The following XG variants were observed in gnomAD, a reference collection of about 807,000 sequenced individuals.
The protein encoded by XG is glycoprotein Xg.
In XG, 24 loss-of-function variants were observed where a neutral mutation model predicts 25.7. The ratio of observed to expected loss-of-function variants is 0.93; its 90% CI spans 0.68 to 1.31. The LOEUF is 1.31. Among genes scored for constraint, XG ranks in the 40% most tolerant of loss-of-function variants. The pLI is 0.00. For missense variants in XG, 181 were observed against 187.6 expected (o/e 0.96, Z 0.21); for synonymous variants, 77 against 69.2 (o/e 1.11, Z -0.56).
At chrX:2,814,274 T>C in intron 10 of XG, 90 bp from the exon 11 acceptor site, 1 of 1,060,882 alleles carries the variant, frequency 9.4e-7, no homozygotes, top group East Asian at 3.3e-5. Context: ...TGTAACAGCA[T>C]AGAATTGGAT....
chrX:2,803,209 T>C (rs1381486430), intron 7 of XG, among the ~76,000 whole-genome samples: 1 of 111,487 alleles, frequency 9.0e-6, no homozygotes, highest in African/African-American at 3.3e-5. Flanking sequence ...TGGAGTGCAG[T>C]GGTGCAATCA....
chrX:2,779,060 A>G (rs191055121), intron 3 of XG, among the ~76,000 whole-genome samples: 309 of 152,260 alleles, frequency 2.0e-3, no homozygotes, highest in African/African-American at 7.0e-3. Flanking sequence ...CACCACACCC[A>G]GCCTCATGTA....
At chrX:2,757,058 C>G (rs752503641) in intron 1 of XG, among the ~76,000 whole-genome samples, 7 of 152,236 alleles carry the variant, frequency 4.6e-5, no homozygotes, top group African/African-American at 1.7e-4. Flanking sequence ...ATGGAGATGA[C>G]TCTTAGCGGG....
intron 7 of XG, among the ~76,000 whole-genome samples, chrX:2,802,653 G>A (rs555057805): frequency 1.8e-5 from 2 of 109,030 alleles, no homozygotes; most frequent in African/African-American, 6.7e-5. Flanking sequence ...TCGCTGAGCC[G>A]CATTACCAGT....
At chrX:2,782,318 T>C (rs1394517389) in intron 4 of XG, among the ~76,000 whole-genome samples, 190 bp downstream of exon 4, 1 of 112,542 alleles carries the variant, frequency 8.9e-6, no homozygotes, top group Non-Finnish European at 1.9e-5. Context: ...TATTTTCCCT[T>C]TGCTTTGACA....
At position 2,754,836 on chromosome X, in the gene XG, C is replaced by T. The variant is rs985916136; in HGVS notation, c.61+2501C>T. ...CACCCAAATTGAGGGTGGGTCCGCC[C>T]CTTCCAGTCCACTGACTCAAATGTT... On this transcript the variant is annotated intron_variant, in intron 1 of 10. Transcript: ENST00000644266. 7.2e-5 allele frequency among the ~76,000 whole-genome samples: 11 copies of T among 152,320 alleles called. 1 individual carries two copies. Among genetic ancestry groups the T allele is most frequent in the Admixed American group, 2.6e-4 (4 of 15,302 alleles).
intron 1 of XG, among the ~76,000 whole-genome samples, chrX:2,757,124 T>G (rs2050453100): frequency 6.6e-6 from 1 of 152,122 alleles, no homozygotes; most frequent in African/African-American, 2.4e-5. Flanking sequence ...CCCTGGAGTT[T>G]GGTTGTCCTG....
intron 5 of XG, among the ~76,000 whole-genome samples, chrX:2,793,716 G>A (rs764080629): frequency 5.4e-5 from 6 of 111,624 alleles, no homozygotes; most frequent in Admixed American, 4.8e-4. Flanking sequence ...AGAGACAGGG[G>A]GATGGTGCTG....
intron 5 of XG, among the ~76,000 whole-genome samples, chrX:2,791,855 T>TATA (rs2086840530): frequency 9.1e-6 from 1 of 110,244 alleles, no homozygotes; most frequent in Non-Finnish European, 1.9e-5. Flanking sequence ...CATCAGGGTG[T>TATA]ATAGCTTCAA....
At position 2,808,338 on chromosome X, in the gene XG, A is replaced by G. The variant is rs1483334346; in HGVS notation, c.454+118A>G. The G allele has an allele frequency of 8.5e-6, 8 of 939,791 alleles. No homozygotes were observed. The African/African-American group carries it at 1.2e-4, about 14-fold the overall frequency. 77.4% of individuals were successfully genotyped at this position (939,791 alleles called of 1,213,427 possible). The stretch of plus-strand genomic sequence containing the variant: ...ACCTCATGACTTTCACGGAGCACTC[A>G]TACTTTGTATGTATATAAAGTAGCT... On this transcript the variant is annotated intron_variant, in intron 9 of 10. Coordinates refer to ENST00000644266, the MANE Select transcript of XG (RefSeq NM_001141919.2).
chrX:2,810,986 CAACA>C (rs2087049953), intron 9 of XG, among the ~76,000 whole-genome samples: 3 of 111,245 alleles, frequency 2.7e-5, no homozygotes, highest in South Asian at 7.6e-4. Context: ...GAATTGACTT[CAACA>C]AACAAACAAA....
intron 2 of XG, among the ~76,000 whole-genome samples, chrX:2,773,061 G>A (rs1013157255): frequency 8.1e-6 from 1 of 123,158 alleles, no homozygotes; most frequent in African/African-American, 3.0e-5. Flanking sequence ...ACAGAGAAAG[G>A]AAGGATGGGA....
intron 7 of XG, among the ~76,000 whole-genome samples, chrX:2,801,799 C>A (rs1683999): frequency 9.1e-6 from 1 of 109,694 alleles, no homozygotes; most frequent in African/African-American, 3.3e-5. Flanking sequence ...AGCTCCGCCT[C>A]CCGGGTTCAC....
chrX:2,767,309 G>A (rs1174206256), intron 1 of XG, among the ~76,000 whole-genome samples: 7 of 151,978 alleles, frequency 4.6e-5, no homozygotes, highest in Admixed American at 2.6e-4. Flanking sequence ...CAGCTTTACC[G>A]GGGGCTCATG....
chrX:2,768,401 G>A (rs1335117074), intron 1 of XG, among the ~76,000 whole-genome samples: 3 of 152,178 alleles, frequency 2.0e-5, no homozygotes, highest in Admixed American at 2.0e-4. Flanking sequence ...GGGAGATGTT[G>A]CACAGATCCA....
At chrX:2,767,482 C>T (rs2050725816) in intron 1 of XG, among the ~76,000 whole-genome samples, 1 of 152,300 alleles carries the variant, frequency 6.6e-6, no homozygotes, top group East Asian at 1.9e-4. Context: ...AAAAGCCGCT[C>T]AGTTCACTAA....
rs183790639 is a variant in XG at position 2,769,578 on chromosome X, G to A, written c.62-972G>A. Among the ~76,000 whole-genome samples, 59 of 152,264 alleles carry A rather than the reference G, an allele frequency of 3.9e-4. No individual in the cohort carries two copies. The East Asian group carries it at 9.1e-3, about 23-fold the overall frequency. Reference sequence around the variant, plus strand: ...CCTCTACTTCCTGATAAATTCTCTGGTGGTGTTTTCTCTACAAGGCTAGTA... The same window carrying A: ...CCTCTACTTCCTGATAAATTCTCTGATGGTGTTTTCTCTACAAGGCTAGTA... On this transcript the variant is annotated intron_variant, in intron 1 of 10. Coordinates refer to ENST00000644266, the MANE Select transcript of XG (RefSeq NM_001141919.2).
intron 7 of XG, among the ~76,000 whole-genome samples, chrX:2,801,924 A>G (rs374222044): frequency 0.012 from 1,362 of 109,645 alleles, 17 homozygotes; most frequent in East Asian, 0.039. Context: ...AGCCAGGATG[A>G]TCTCGATCTC....
In XG at chrX:2,774,709, T is replaced by C; in HGVS notation, c.104-7T>C. ...ATATTGCATTTATTTTCTCTCTTTG[T>C]TCACAGAACCCACCAAGAAGCCAAA... is the stretch of plus-strand genomic sequence containing the variant. On this transcript the variant is annotated splice_polypyrimidine_tract_variant and splice_region_variant and intron_variant, in intron 2 of 10. Transcript: ENST00000644266. 6.2e-7 allele frequency: 1 copy of C among 1,613,950 alleles called. No homozygotes were observed.
Sources: allele counts gnomAD v4.1 joint callset (sites outside exome capture counted in the v4.1 genomes callset), GRCh38; gene constraint gnomAD v4.1.1; transcripts MANE v1.5; gene names NCBI Gene and HGNC (gene_info 2026-07-23, HGNC 2026-07-21).